ARHGAP24: variants seen among roughly 807,000 people sequenced by gnomAD.
ARHGAP24 encodes the protein rho GTPase-activating protein 24.
A neutral mutation model predicts 76.4 loss-of-function variants in ARHGAP24; 50 were observed. That is an observed-to-expected ratio of 0.65 (90% CI 0.52 to 0.83). ARHGAP24 has a LOEUF of 0.83. Among genes scored for constraint, ARHGAP24 ranks in the 40% least tolerant of loss-of-function variants. The pLI, the probability that ARHGAP24 is intolerant of heterozygous loss-of-function variation, is 0.00. For synonymous variants in ARHGAP24, 345 were observed against 323.3 expected, an observed-to-expected ratio of 1.07 and a Z score of -0.72; for missense variants, 930 against 914.2, an observed-to-expected ratio of 1.02 and a Z score of -0.22.
At chr4:85,715,648 AATT>A (rs1282528201) in intron 2 of ARHGAP24, among the ~76,000 whole-genome samples, 1 of 152,078 alleles carries the variant, frequency 6.6e-6, no homozygotes, top group Admixed American at 6.6e-5. Flanking sequence ...GTTATCAGGA[AATT>A]ATTATATAGC....
chr4:85,661,667 C>A (rs111506246), intron 2 of ARHGAP24, among the ~76,000 whole-genome samples: 1 of 151,924 alleles, frequency 6.6e-6, no homozygotes, highest in Non-Finnish European at 1.5e-5. Context: ...TCCCTCCCCC[C>A]TTCCCCCACC....
chr4:85,516,999 A>G (rs1724533904), intron 1 of ARHGAP24, among the ~76,000 whole-genome samples: 1 of 152,100 alleles, frequency 6.6e-6, no homozygotes, highest in South Asian at 2.1e-4. Context: ...ATAGCTTTCC[A>G]GTTTCCCCAA....
intron 8 of ARHGAP24, among the ~76,000 whole-genome samples, chr4:85,981,328 G>A (rs1405137396): frequency 1.3e-5 from 2 of 152,308 alleles, no homozygotes; most frequent in Non-Finnish European, 2.9e-5. Flanking sequence ...ATTTAAACTT[G>A]CATGTGACAA....
At chr4:85,665,693 C>G (rs1371255720) in intron 2 of ARHGAP24, among the ~76,000 whole-genome samples, 1 of 152,100 alleles carries the variant, frequency 6.6e-6, no homozygotes, top group Non-Finnish European at 1.5e-5. Context: ...TTCAGGAGCT[C>G]TTTTAGGGCA....
chr4:85,695,450 A>G (rs1280873528), intron 2 of ARHGAP24, among the ~76,000 whole-genome samples: 1 of 152,202 alleles, frequency 6.6e-6, no homozygotes, highest in Non-Finnish European at 1.5e-5. Flanking sequence ...CATCATAATA[A>G]GAATGCTCAA....
chr4:85,682,006 G>A (rs1381484275), intron 2 of ARHGAP24, among the ~76,000 whole-genome samples: 1 of 149,898 alleles, frequency 6.7e-6, no homozygotes, highest in Non-Finnish European at 1.5e-5. Flanking sequence ...ACAGGGCAAA[G>A]TTAAGACACT....
intron 1 of ARHGAP24, among the ~76,000 whole-genome samples, chr4:85,560,389 C>A (rs1160322402): frequency 1.3e-5 from 2 of 151,954 alleles, no homozygotes; most frequent in Non-Finnish European, 2.9e-5. Context: ...GAGAAATTTC[C>A]TTTTTTATGG....
chr4:85,566,676 T>C (rs1726860677), intron 1 of ARHGAP24, among the ~76,000 whole-genome samples: 1 of 152,178 alleles, frequency 6.6e-6, no homozygotes, highest in South Asian at 2.1e-4. Flanking sequence ...TATCACTGGG[T>C]ATGCACAGCA....
chr4:85,813,648 T>G (rs1347001373), intron 3 of ARHGAP24, among the ~76,000 whole-genome samples: 1 of 151,904 alleles, frequency 6.6e-6, no homozygotes, highest in African/African-American at 2.4e-5. Context: ...TTTTATATTT[T>G]CTTCCCCCCA....
intron 4 of ARHGAP24, among the ~76,000 whole-genome samples, chr4:85,936,857 A>G (rs1041947533): frequency 1.3e-5 from 2 of 152,184 alleles, no homozygotes; most frequent in African/African-American, 4.8e-5. Flanking sequence ...ATGACAAGCA[A>G]TACATAGTTC....
intron 5 of ARHGAP24, among the ~76,000 whole-genome samples, chr4:85,960,244 T>G (rs1453350399): frequency 6.6e-6 from 1 of 152,188 alleles, no homozygotes; most frequent in East Asian, 1.9e-4. Flanking sequence ...TTCAAGTTAC[T>G]CTTTAGAAGG....
At chr4:85,478,957 G>A (rs796332217) in intron 1 of ARHGAP24, among the ~76,000 whole-genome samples, 2 of 152,158 alleles carry the variant, frequency 1.3e-5, no homozygotes, top group African/African-American at 4.8e-5. Context: ...GTTCCTCACT[G>A]GGTAGATTGG....
chr4:85,594,312 C>T (rs182567623), intron 2 of ARHGAP24, among the ~76,000 whole-genome samples: 282 of 152,046 alleles, frequency 1.9e-3, no homozygotes, highest in African/African-American at 6.7e-3. Context: ...TATCCTGCAC[C>T]TTTACTGAAT....
At chr4:85,616,809 G>T (rs1313528373) in intron 2 of ARHGAP24, among the ~76,000 whole-genome samples, 1 of 151,928 alleles carries the variant, frequency 6.6e-6, no homozygotes, top group Admixed American at 6.6e-5. Flanking sequence ...TGTATTTTTA[G>T]TAGAGATGGG....
intron 1 of ARHGAP24, among the ~76,000 whole-genome samples, chr4:85,528,918 C>G (rs1230560755): frequency 6.6e-6 from 1 of 151,904 alleles, no homozygotes; most frequent in Non-Finnish European, 1.5e-5. Flanking sequence ...ATAATATCAT[C>G]TTGACTACTC....
intron 1 of ARHGAP24, among the ~76,000 whole-genome samples, chr4:85,560,518 A>C (rs556206580): frequency 2.6e-5 from 4 of 152,072 alleles, no homozygotes; most frequent in Admixed American, 6.5e-5. Flanking sequence ...ATTTTTTGCT[A>C]TTGTCTATTC....
intron 3 of ARHGAP24, among the ~76,000 whole-genome samples, chr4:85,736,220 T>C (rs1251981345): frequency 6.6e-6 from 1 of 152,242 alleles, no homozygotes; most frequent in African/African-American, 2.4e-5. Context: ...TGATCTGTAC[T>C]TCTTGCCATT....
intron 2 of ARHGAP24, among the ~76,000 whole-genome samples, chr4:85,721,349 C>G (rs1290582391): frequency 6.7e-6 from 1 of 149,270 alleles, no homozygotes; most frequent in East Asian, 2.0e-4. Flanking sequence ...GAGCCAAGAT[C>G]ATGCCATTAC....
intron 3 of ARHGAP24, among the ~76,000 whole-genome samples, chr4:85,873,346 T>C (rs1732647493): frequency 6.6e-6 from 1 of 152,246 alleles, no homozygotes. Flanking sequence ...TTGATAAATG[T>C]AAATTTTCTT....
Sources: allele counts gnomAD v4.1 joint callset (sites outside exome capture counted in the v4.1 genomes callset), GRCh38; gene constraint gnomAD v4.1.1; transcripts MANE v1.5; gene names NCBI Gene and HGNC (gene_info 2026-07-23, HGNC 2026-07-21).